Variants in FHIP1A observed in about 807,000 individuals in gnomAD.
FHIP1A encodes the protein FHF complex subunit HOOK interacting protein 1A.
In FHIP1A, 61 loss-of-function variants were observed where a neutral mutation model predicts 88.6. The observed-to-expected ratio is 0.69, with a 90% CI of 0.56 to 0.85. The LOEUF is 0.85. FHIP1A is among the 40% of genes least tolerant of loss of function. The pLI is 0.00. For missense variants in FHIP1A, 1,154 were observed against 1,273.5 expected, an observed-to-expected ratio of 0.91 and a Z score of 1.43; for synonymous variants, 478 against 496.0, an observed-to-expected ratio of 0.96 and a Z score of 0.48.
chr4:151,636,379 C>T (rs1157251178), intron 8 of FHIP1A, among the ~76,000 whole-genome samples: 1 of 151,886 alleles, frequency 6.6e-6, no homozygotes, highest in Non-Finnish European at 1.5e-5. Context: ...CTTCTCTCCT[C>T]AATTCTATTC....
chr4:151,544,162 T>C (rs1450941985), intron 3 of FHIP1A, among the ~76,000 whole-genome samples: 1 of 152,212 alleles, frequency 6.6e-6, no homozygotes, highest in African/African-American at 2.4e-5. Context: ...GACAAAATCA[T>C]TTACTAAAGC....
At chr4:151,482,718 T>G (rs1024294183) in intron 3 of FHIP1A, 70 bp downstream of exon 3, 1 of 152,106 alleles carries the variant, frequency 6.6e-6, no homozygotes. Context: ...ATACTTTTTT[T>G]TTTTTAAAGC....
chr4:151,662,658 C>T lies in FHIP1A; in HGVS notation c.3027C>T (p.Leu1009=). 1.9e-6 allele frequency: 3 copies of T among 1,551,590 alleles called. No individual in the cohort carries two copies. The highest frequency in any genetic ancestry group is 2.6e-6 in the Non-Finnish European group (3 of 1,146,968). Residue 1009 remains leucine, a synonymous_variant, in exon 14 of 14, where the codon CTC becomes CTT. Coordinates refer to ENST00000435205, the MANE Select transcript of FHIP1A (RefSeq NM_001109977.3). ...PVRNPMLAAA[L]FPEFLKELAA... Reference sequence around the variant, plus strand: ...GGAACCCCATGCTGGCTGCTGCCCTCTTCCCAGAGTTCCTGAAGGAGCTGG... The same window carrying T: ...GGAACCCCATGCTGGCTGCTGCCCTTTTCCCAGAGTTCCTGAAGGAGCTGG...
chr4:151,450,421 G>A (rs1214923374), intron 1 of FHIP1A, among the ~76,000 whole-genome samples: 1 of 152,098 alleles, frequency 6.6e-6, no homozygotes, highest in Non-Finnish European at 1.5e-5. Flanking sequence ...GGTGAATTGT[G>A]TTCTAGTTTA....
chr4:151,589,710 T>A (rs1285209822), intron 7 of FHIP1A, among the ~76,000 whole-genome samples: 2 of 152,200 alleles, frequency 1.3e-5, no homozygotes, highest in Non-Finnish European at 1.5e-5. Flanking sequence ...TCTATGGACT[T>A]TTATTTTACA....
Position 151,656,826 on chromosome 4 carries a change from C to T in FHIP1A, c.2797C>T (p.Leu933Phe), listed in dbSNP as rs760592731. 1.3e-6 allele frequency: 2 copies of T among 1,551,620 alleles called. No individual in the cohort carries two copies. Among genetic ancestry groups the T allele is most frequent in the South Asian group, 1.2e-5 (1 of 84,054 alleles). ...TGTGGAGAGAGACTTCCCAGGGCTC[C>T]TCATTCAAGCTCAGCAGTACCTGCT... is the stretch of plus-strand genomic sequence containing the variant. ...ASVERDFPGL[L>F]IQAQQYLLFR... is the part of the protein sequence containing the mutation. Residue 933 changes from leucine (L) to phenylalanine (F), a missense_variant, in exon 13 of 14, where the codon CTC becomes TTC. Transcript: ENST00000435205. The surrounding 1 kb of genome is among the most constrained non-coding windows in gnomAD (Gnocchi z 4.2).
rs369118626 is a variant in FHIP1A, at chr4:151,438,114, G to A, written c.-355-16587G>A. On this transcript the variant is annotated intron_variant, in intron 1 of 13. Coordinates refer to ENST00000435205, the MANE Select transcript of FHIP1A (RefSeq NM_001109977.3). ...GAATGATGCAGACAAGTCCAGCTTG[G>A]TTAGTAGATGTGTTTATTAAGATTT... is the stretch of plus-strand genomic sequence containing the variant. Among the ~76,000 whole-genome samples, 20 of 152,122 alleles carry A rather than the reference G, an allele frequency of 1.3e-4. No homozygotes were observed. In the East Asian group the frequency reaches 2.9e-3, roughly 22 times the overall value.
At chr4:151,552,628 G>A (rs945153064) in intron 3 of FHIP1A, among the ~76,000 whole-genome samples, 2 of 152,008 alleles carry the variant, frequency 1.3e-5, no homozygotes, top group African/African-American at 4.8e-5. Flanking sequence ...TGAACAATGA[G>A]AACACTTGGA....
chr4:151,588,595 T>G (rs1734307446), intron 6 of FHIP1A, among the ~76,000 whole-genome samples: 1 of 152,232 alleles, frequency 6.6e-6, no homozygotes, highest in Admixed American at 6.5e-5. Context: ...ATACGCAGTT[T>G]AAAATTACCA....
intron 2 of FHIP1A, among the ~76,000 whole-genome samples, chr4:151,467,570 A>C (rs1561508309): frequency 6.6e-6 from 1 of 152,240 alleles, no homozygotes; most frequent in Non-Finnish European, 1.5e-5. Flanking sequence ...ACATGGAACT[A>C]ACCCAAACAC....
At chr4:151,549,417 G>A (rs769479310) in intron 3 of FHIP1A, among the ~76,000 whole-genome samples, 19 of 151,430 alleles carry the variant, frequency 1.3e-4, no homozygotes, top group Admixed American at 4.6e-4. Context: ...CTTGAACCTG[G>A]GAGGTGGAGG....
intron 3 of FHIP1A, among the ~76,000 whole-genome samples, chr4:151,519,288 C>T (rs539598323): frequency 3.3e-4 from 51 of 152,260 alleles, no homozygotes; most frequent in African/African-American, 1.2e-3. Flanking sequence ...ATTTTTTCCA[C>T]CATAGGTTAG....
chr4:151,622,282 G>C (rs12648420), intron 7 of FHIP1A, among the ~76,000 whole-genome samples: 43,362 of 152,040 alleles, frequency 0.29, 6,418 homozygotes, highest in Non-Finnish European at 0.33. Flanking sequence ...GATGAGGGCA[G>C]GGTAAGGTAC....
chr4:151,562,168 T>C (rs1273847805), intron 3 of FHIP1A, among the ~76,000 whole-genome samples: 1 of 152,204 alleles, frequency 6.6e-6, no homozygotes, highest in African/African-American at 2.4e-5. Context: ...CTTTCAGGCT[T>C]GGACTGAGCC....
At chr4:151,534,973 T>G (rs1732011424) in intron 3 of FHIP1A, 1 of 152,260 alleles carries the variant, frequency 6.6e-6, no homozygotes, top group African/African-American at 2.4e-5. Context: ...ATTCCAGCAC[T>G]TGGGAAGCTG....
intron 3 of FHIP1A, among the ~76,000 whole-genome samples, chr4:151,526,496 C>A (rs1237982488): frequency 6.8e-6 from 1 of 146,036 alleles, no homozygotes; most frequent in Non-Finnish European, 1.5e-5. Context: ...CTGACCCCCC[C>A]ACCTCCCTCC....
Position 151,540,782 on chromosome 4 carries a change from CA to C in FHIP1A, c.-122-25355del, listed in dbSNP as rs202007663. Among the ~76,000 whole-genome samples, 849 of 152,310 alleles carry C rather than the reference CA, an allele frequency of 5.6e-3. 7 individuals are homozygous for C. The highest frequency in any genetic ancestry group is 0.019 in the African/African-American group (803 of 41,552). On this transcript the variant is annotated intron_variant, in intron 3 of 13. Transcript: ENST00000435205. Reference sequence around the variant, plus strand: ...GTGTGTTTTGCTCTCCTGAGTCAGGCAGCTGCTTTGCTGCTTAGGTTATTCC... The same window carrying C: ...GTGTGTTTTGCTCTCCTGAGTCAGGCGCTGCTTTGCTGCTTAGGTTATTCC...
intron 1 of FHIP1A, among the ~76,000 whole-genome samples, chr4:151,423,569 C>T (rs1561488727): frequency 6.6e-6 from 1 of 152,144 alleles, no homozygotes; most frequent in Non-Finnish European, 1.5e-5. Flanking sequence ...ACCTTAGCTT[C>T]CTTATCTATA....
intron 3 of FHIP1A, among the ~76,000 whole-genome samples, chr4:151,499,392 G>A (rs1730569852): frequency 6.6e-6 from 1 of 152,144 alleles, no homozygotes; most frequent in African/African-American, 2.4e-5. Context: ...ATTTTTACGT[G>A]AAGCCAGATC....
Sources: allele counts gnomAD v4.1 joint callset (sites outside exome capture counted in the v4.1 genomes callset), GRCh38; gene constraint gnomAD v4.1.1; non-coding constraint Gnocchi (gnomAD v3.1); transcripts MANE v1.5; gene names NCBI Gene and HGNC (gene_info 2026-07-23, HGNC 2026-07-21).